The following TUT4 variants were observed in gnomAD, a reference collection of about 807,000 sequenced individuals.
The protein encoded by TUT4 is terminal uridylyltransferase 4.
Under a neutral mutation model 192.2 loss-of-function variants are expected in TUT4, and 36 were observed. The ratio of observed to expected loss-of-function variants is 0.19; its 90% CI spans 0.14 to 0.25. TUT4 has a LOEUF of 0.25. Among genes scored for constraint, TUT4 ranks in the 10% least tolerant of loss-of-function variants. The pLI, the probability that TUT4 is intolerant of heterozygous loss-of-function variation, is 1.00. For synonymous variants in TUT4, 618 were observed against 666.0 expected (o/e 0.93, Z 1.11); for missense variants, 1,493 against 1,957.2 (o/e 0.76, Z 4.47).
At chr1:52,497,580 T>G (rs185361798) in intron 4 of TUT4, among the ~76,000 whole-genome samples, 1 of 152,258 alleles carries the variant, frequency 6.6e-6, no homozygotes, top group Non-Finnish European at 1.5e-5. Flanking sequence ...TCAAGTTAAA[T>G]GGTCACAGGA....
chr1:52,464,073 A>G (rs1168450244), intron 16 of TUT4, among the ~76,000 whole-genome samples: 2 of 152,142 alleles, frequency 1.3e-5, no homozygotes, highest in African/African-American at 2.4e-5. Flanking sequence ...AAGTCAGTTT[A>G]TCTTTCAAAG....
intron 16 of TUT4, 42 bp from the exon 17 acceptor site, chr1:52,461,811 C>T: frequency 8.7e-7 from 1 of 1,147,234 alleles, no homozygotes; most frequent in South Asian, 1.5e-5. Context: ...TCAATTTCAC[C>T]TTGTGCAAAT....
At chr1:52,474,398 C>G (rs1666577538) in intron 13 of TUT4, among the ~76,000 whole-genome samples, 2 of 151,988 alleles carry the variant, frequency 1.3e-5, no homozygotes, top group South Asian at 4.1e-4. Flanking sequence ...TTATATTTCC[C>G]CCCTCTAAAA....
chr1:52,467,384 G>C (rs1254199838), intron 15 of TUT4, among the ~76,000 whole-genome samples: 1 of 152,128 alleles, frequency 6.6e-6, no homozygotes. Context: ...ACCACCTACT[G>C]TAACTGTTAT....
At chr1:52,460,105 A>C (rs1662150314) in intron 19 of TUT4, among the ~76,000 whole-genome samples, 1 of 152,202 alleles carries the variant, frequency 6.6e-6, no homozygotes, top group African/African-American at 2.4e-5. Flanking sequence ...TGAATCTAGA[A>C]AAGTAGGCAT....
At chr1:52,477,607 T>A in intron 12 of TUT4, 101 bp downstream of exon 12, 1 of 1,130,924 alleles carries the variant, frequency 8.8e-7, no homozygotes, top group African/African-American at 1.6e-5. Flanking sequence ...TAGTGACATA[T>A]ATATATAGTG....
chr1:52,468,127 C>G (rs1664745306), intron 15 of TUT4, 54 bp downstream of exon 15: 1 of 1,311,662 alleles, frequency 7.6e-7, no homozygotes, highest in East Asian at 2.3e-5. Context: ...AAATGAAACT[C>G]AAGACTACAT....
rs1676459460 is a variant in TUT4 at position 52,509,270 on chromosome 1, C to G, written c.999+326G>C. 2.0e-5 allele frequency among the ~76,000 whole-genome samples: 3 copies of G among 152,302 alleles called. No homozygotes were observed. In the South Asian group the frequency reaches 6.2e-4, roughly 32 times the overall value. On this transcript the variant is annotated intron_variant, in intron 4 of 29. Coordinates refer to ENST00000257177, the MANE Select transcript of TUT4 (RefSeq NM_001009881.3). ...ATGCCCTCATCAATTCTTAGAAAAT[C>G]TGAGGGCAGGAACCACAACTATCTT...
At position 52,472,240 on chromosome 1, in the gene TUT4, CAT is replaced by C. The variant is rs1406233838; in HGVS notation, c.2728-140_2728-139del. 8.2e-6 allele frequency: 7 copies of C among 857,968 alleles called. No individual in the cohort carries two copies. In the South Asian group the frequency reaches 1.0e-4, roughly 13 times the overall value. 53.1% of individuals were successfully genotyped at this position (857,968 alleles called of 1,614,324 possible). On this transcript the variant is annotated intron_variant, in intron 13 of 29. Coordinates refer to ENST00000257177, the MANE Select transcript of TUT4 (RefSeq NM_001009881.3). ...TTCAGGAGGTAATTAAAAAAAAAAA[CAT>C]GTTGTTAAAATGCAGTATTAGCTAC...
At chr1:52,540,619 T>G (rs900183311) in intron 1 of TUT4, among the ~76,000 whole-genome samples, 1 of 151,978 alleles carries the variant, frequency 6.6e-6, no homozygotes, top group Non-Finnish European at 1.5e-5. Flanking sequence ...ATAATTAGAG[T>G]CTTGCAGTAT....
In TUT4 at chr1:52,423,820, A is replaced by AAATGTC. The variant is rs1259996468; in HGVS notation, c.*109_*114dup. ...GACCTGATTTGTTTTGCTTTCCATTAAATGTCACTTTTTCTGCTGAATGTA... is the reference window on the plus strand; with the variant it reads ...GACCTGATTTGTTTTGCTTTCCATTAAATGTCAATGTCACTTTTTCTGCTGAATGTA... On this transcript the variant is annotated 3_prime_UTR_variant, in exon 30 of 30. Coordinates refer to ENST00000257177, the MANE Select transcript of TUT4 (RefSeq NM_001009881.3). 2.6e-6 allele frequency: 4 copies of AAATGTC among 1,549,682 alleles called. No homozygotes were observed. Among genetic ancestry groups the AAATGTC allele is most frequent in the Non-Finnish European group, 3.5e-6 (4 of 1,146,848 alleles).
rs72903666 is a variant in TUT4, at chr1:52,492,605, G to A, written c.1318+1006C>T. 3.1e-3 allele frequency among the ~76,000 whole-genome samples: 472 copies of A among 152,272 alleles called. 4 individuals carry two copies. The highest frequency in any genetic ancestry group is 0.011 in the African/African-American group (445 of 41,560). On this transcript the variant is annotated intron_variant, in intron 7 of 29. Coordinates refer to ENST00000257177, the MANE Select transcript of TUT4 (RefSeq NM_001009881.3). ...GTCAAAGGACACACAACCAGTAAGT[G>A]GCAGAACTAAAATCTGAGCCCAGAA...
At chr1:52,427,641 CTAAT>C (rs1305076775) in intron 28 of TUT4, among the ~76,000 whole-genome samples, 3 of 152,300 alleles carry the variant, frequency 2.0e-5, no homozygotes, top group East Asian at 3.9e-4. Flanking sequence ...TCTTAGAAAT[CTAAT>C]TAAGTTACCA....
intron 8 of TUT4, 80 bp downstream of exon 8, chr1:52,490,652 T>C (rs911242764): frequency 3.9e-6 from 5 of 1,266,696 alleles, no homozygotes; most frequent in Non-Finnish European, 4.4e-6. Context: ...AACAAAAACT[T>C]TTTCTCTTAA....
rs1653980601 is a variant in TUT4 at position 52,436,977 on chromosome 1, T to A, written c.3940A>T (p.Ser1314Cys). 1 of 1,613,398 alleles carries A rather than the reference T, an allele frequency of 6.2e-7. No individual in the cohort carries two copies. The highest frequency in any genetic ancestry group is 8.5e-7 in the Non-Finnish European group (1 of 1,179,834). Residue 1314 changes from serine to cysteine, a missense_variant and splice_region_variant, in exon 26 of 30, where the codon AGT (serine) becomes TGT (cysteine). Around this residue, in one of 7 missense-constraint regions of TUT4, gnomAD observed 141 missense variants for 382.7 expected, o/e 0.37. Coordinates refer to ENST00000257177, the MANE Select transcript of TUT4 (RefSeq NM_001009881.3). Reference protein sequence around the residue: ...YMKDCPKRKSSLLFRLKKKDS... With the variant: ...YMKDCPKRKSCLLFRLKKKDS... ...TTCTTCTTTAGTCTAAACAGTAAAC[T>A]GCTGATACCAATAATGTGGGGCTAG...
chr1:52,465,251 A>C, intron 15 of TUT4, 78 bp from the exon 16 acceptor site: 1 of 888,482 alleles, frequency 1.1e-6, no homozygotes, highest in South Asian at 1.7e-5. Context: ...TGATGACCTA[A>C]TACAACATGC....
intron 28 of TUT4, among the ~76,000 whole-genome samples, chr1:52,428,204 T>A (rs2148073572): frequency 6.6e-6 from 1 of 152,334 alleles, no homozygotes; most frequent in East Asian, 1.9e-4. Context: ...AATACTTTTT[T>A]AGGCTGGGCA....
At position 52,497,194 on chromosome 1, in the gene TUT4, A is replaced by T. The variant is rs1672655948; in HGVS notation, c.1000-11T>A. On this transcript the variant is annotated splice_polypyrimidine_tract_variant and intron_variant, in intron 4 of 29. Coordinates refer to ENST00000257177, the MANE Select transcript of TUT4 (RefSeq NM_001009881.3). ...TTCTTCTTGTTTTTCCTATTAATGT[A>T]ATGATTCACAACAATAAAAACAAAA... 3 of 1,587,852 alleles carry T rather than the reference A, an allele frequency of 1.9e-6. No homozygotes were observed. In the South Asian group the frequency reaches 3.5e-5, roughly 18 times the overall value.
intron 22 of TUT4, 106 bp from the exon 23 acceptor site, chr1:52,446,110 C>G: frequency 7.6e-7 from 1 of 1,308,308 alleles, no homozygotes; most frequent in Non-Finnish European, 1.1e-6. Context: ...TCAGACTATA[C>G]AAATCAGCAA....
Sources: gnomAD v4.1 joint callset for allele counts (sites outside exome capture counted in the v4.1 genomes callset) on GRCh38, gnomAD v4.1.1 for gene constraint, gnomAD v4.1.1 regional missense constraint, MANE v1.5 for transcripts, NCBI Gene and HGNC (gene_info 2026-07-23, HGNC 2026-07-21) for gene names.